SORCS2: variants seen among roughly 807,000 people sequenced by gnomAD.
SORCS2 encodes VPS10 domain-containing receptor SorCS2.
In SORCS2, 100 loss-of-function variants were observed where a neutral mutation model predicts 141.6. That is an observed-to-expected ratio of 0.71 (90% CI 0.60 to 0.83). SORCS2 has a LOEUF of 0.83. Among genes scored for constraint, SORCS2 ranks in the 40% least tolerant of loss-of-function variants. SORCS2 has a pLI of 0.00. For synonymous variants in SORCS2, 789 were observed against 676.9 expected (o/e 1.17, Z -2.57); for missense variants, 1,646 against 1,560.2 (o/e 1.05, Z -0.93).
At position 7,201,586 on chromosome 4, in the gene SORCS2, G is replaced by A. The variant is rs566615652; in HGVS notation, c.480+8460G>A. On this transcript the variant is annotated intron_variant, in intron 1 of 26. Transcript: ENST00000507866. The surrounding 1 kb of genome is among the most constrained non-coding windows in gnomAD (Gnocchi z 4.4). ...TGGAGAGCAGACTGGAGTGACGGGC[G>A]AATCAGCTGGGACGCTGCCGAGAAC... 1.3e-5 allele frequency among the ~76,000 whole-genome samples: 2 copies of A among 152,292 alleles called. No homozygotes were observed. Among genetic ancestry groups the A allele is most frequent in the Non-Finnish European group, 2.9e-5 (2 of 68,016 alleles).
chr4:7,706,485 A>T (rs377582824), intron 14 of SORCS2, among the ~76,000 whole-genome samples: 2 of 30,588 alleles, frequency 6.5e-5, no homozygotes, highest in Non-Finnish European at 1.3e-4. Context: ...GCCTGGACAG[A>T]GATGAGGCTG....
At chr4:7,386,030 C>G (rs1723272662) in intron 1 of SORCS2, among the ~76,000 whole-genome samples, 1 of 152,210 alleles carries the variant, frequency 6.6e-6, no homozygotes, top group Non-Finnish European at 1.5e-5. Context: ...TCCACTTTGC[C>G]AAGTGGAGCA....
rs529964592 is a variant in SORCS2, at chr4:7,718,173, G to A, written c.2414G>A (p.Arg805Gln). 34 of 1,610,156 alleles carry A rather than the reference G, an allele frequency of 2.1e-5. No individual in the cohort carries two copies. Among genetic ancestry groups the A allele is most frequent in the Middle Eastern group, 1.9e-4 (1 of 5,146 alleles). Residue 805 changes from arginine to glutamine, a missense_variant, in exon 18 of 27, where the codon CGG becomes CAG. Physicochemically the swap from Arg to Gln is conservative, Grantham distance 43. Transcript: ENST00000507866. ...GGAGAGGACGTCCTGTTTGTGGTGC[G>A]GCAGGAGCAGGTGAGTGAGCACCTC... The part of the protein sequence containing the change: ...RPGEDVLFVV[R>Q]QEQGDVLTTK...
intron 2 of SORCS2, among the ~76,000 whole-genome samples, chr4:7,439,839 C>T (rs1727544148): frequency 6.6e-6 from 1 of 152,140 alleles, no homozygotes; most frequent in Non-Finnish European, 1.5e-5. Flanking sequence ...TCAAACATGG[C>T]TGCTCCAAAC....
At chr4:7,642,973 A>G (rs906368499) in intron 4 of SORCS2, among the ~76,000 whole-genome samples, 1 of 152,210 alleles carries the variant, frequency 6.6e-6, no homozygotes, top group East Asian at 1.9e-4. Context: ...CCCAGAGTCA[A>G]TGGAGTGGAC....
intron 2 of SORCS2, among the ~76,000 whole-genome samples, chr4:7,429,181 G>A (rs1380184191): frequency 6.6e-6 from 1 of 152,300 alleles, no homozygotes; most frequent in East Asian, 1.9e-4. Context: ...CCCTGCCTAG[G>A]GCTTTGGGGA....
intron 1 of SORCS2, among the ~76,000 whole-genome samples, chr4:7,270,789 C>G (rs1050473157): frequency 1.1e-4 from 16 of 152,214 alleles, no homozygotes; most frequent in African/African-American, 3.6e-4. Context: ...TAAAGAACAT[C>G]AAGGAAGAAA....
At chr4:7,444,078 T>G (rs1727843690) in intron 2 of SORCS2, among the ~76,000 whole-genome samples, 1 of 152,224 alleles carries the variant, frequency 6.6e-6, no homozygotes, top group Admixed American at 6.5e-5. Context: ...TCCTTCCCTG[T>G]TAGAAGAGGG....
intron 1 of SORCS2, among the ~76,000 whole-genome samples, chr4:7,372,570 A>T (rs1425591474): frequency 6.6e-6 from 1 of 152,208 alleles, no homozygotes; most frequent in Non-Finnish European, 1.5e-5. Context: ...GGCCTCCCAA[A>T]GTGCTGGAAT....
chr4:7,606,832 C>T (rs531613016), intron 3 of SORCS2, among the ~76,000 whole-genome samples: 25 of 152,200 alleles, frequency 1.6e-4, no homozygotes, highest in African/African-American at 5.8e-4. Context: ...GTAGCACATG[C>T]GGGCAGGCAA....
chr4:7,725,389 G>C lies in SORCS2; in HGVS notation c.2745+102G>C, dbSNP rs1727146571. 6.8e-6 allele frequency: 10 copies of C among 1,460,772 alleles called. No homozygotes were observed. In the Admixed American group the frequency reaches 2.2e-4, roughly 32 times the overall value. 90.5% of individuals were successfully genotyped at this position (1,460,772 alleles called of 1,614,324 possible). ...CCCAGGTTTTCAGCAGAAGGAACCA[G>C]TGTAGGGTGCACTCCTCACCCTTGG... is the stretch of plus-strand genomic sequence containing the variant. On this transcript the variant is annotated intron_variant, in intron 20 of 26. Transcript: ENST00000507866.
At chr4:7,565,045 C>T (rs555804775) in intron 3 of SORCS2, among the ~76,000 whole-genome samples, 8 of 152,180 alleles carry the variant, frequency 5.3e-5, no homozygotes, top group East Asian at 1.9e-4. Context: ...GATTGAGGCC[C>T]GTGTGTTAGC....
intron 1 of SORCS2, among the ~76,000 whole-genome samples, chr4:7,294,644 C>T (rs1210172012): frequency 1.4e-5 from 2 of 146,968 alleles, no homozygotes; most frequent in African/African-American, 5.1e-5. Context: ...GTTCACCTTT[C>T]CTCCCCCTCT....
intron 3 of SORCS2, among the ~76,000 whole-genome samples, chr4:7,577,889 T>G (rs1218953793): frequency 7.2e-6 from 1 of 139,182 alleles, no homozygotes; most frequent in Non-Finnish European, 1.5e-5. Flanking sequence ...TGCCATGGTT[T>G]GGAGGTCATA....
intron 2 of SORCS2, among the ~76,000 whole-genome samples, chr4:7,502,737 G>A (rs762159791): frequency 7.2e-5 from 11 of 152,242 alleles, no homozygotes; most frequent in South Asian, 2.1e-4. Context: ...GTCTCACGAC[G>A]CTCCATCTGC....
chr4:7,250,243 A>AAAAG (rs34312209), intron 1 of SORCS2, among the ~76,000 whole-genome samples: 7,643 of 151,130 alleles, frequency 0.051, 415 homozygotes, highest in African/African-American at 0.14. Context: ...GCTCTGTCTA[A>AAAAG]AAAGAAAGAA....
chr4:7,319,998 C>T (rs920928425), intron 1 of SORCS2, among the ~76,000 whole-genome samples: 2 of 152,040 alleles, frequency 1.3e-5, no homozygotes, highest in Non-Finnish European at 2.9e-5. Context: ...ATTCAGTGTA[C>T]TCTTTTTTAA....
intron 3 of SORCS2, among the ~76,000 whole-genome samples, chr4:7,615,607 C>T (rs893467355): frequency 1.3e-5 from 2 of 152,206 alleles, no homozygotes; most frequent in South Asian, 2.1e-4. Context: ...TGTGCCTGCC[C>T]GTGCTTTTCC....
At chr4:7,226,252 T>G (rs1196025445) in intron 1 of SORCS2, among the ~76,000 whole-genome samples, 1 of 152,084 alleles carries the variant, frequency 6.6e-6, no homozygotes, top group Admixed American at 6.5e-5. Context: ...ACTGAGCCCC[T>G]TTGGGACTGA....
Sources: allele counts gnomAD v4.1 joint callset (sites outside exome capture counted in the v4.1 genomes callset), GRCh38; gene constraint gnomAD v4.1.1; non-coding constraint Gnocchi (gnomAD v3.1); transcripts MANE v1.5; gene names NCBI Gene and HGNC (gene_info 2026-07-23, HGNC 2026-07-21).